NLRP11: variants seen among roughly 807,000 people sequenced by gnomAD.
NLRP11 encodes NACHT, LRR and PYD domains-containing protein 11.
A neutral mutation model predicts 79.3 loss-of-function variants in NLRP11; 53 were observed. That is an observed-to-expected ratio of 0.67 (90% CI 0.54 to 0.84). NLRP11 has a LOEUF of 0.84. NLRP11 is among the 40% of genes least tolerant of loss of function. The probability of loss-of-function intolerance (pLI) is 0.00; values close to 1 mark genes in which losing one functional copy is unlikely to be tolerated. For synonymous variants in NLRP11, 518 were observed against 462.6 expected (o/e 1.12, Z -1.54); for missense variants, 1,264 against 1,255.0 (o/e 1.01, Z -0.11).
intron 5 of NLRP11, among the ~76,000 whole-genome samples, chr19:55,796,890 T>A (rs763460101): frequency 6.6e-6 from 1 of 152,116 alleles, no homozygotes; most frequent in African/African-American, 2.4e-5. Flanking sequence ...GGTTTCACCA[T>A]GTTGGCCAGG....
chr19:55,796,693 C>T (rs550695305), intron 5 of NLRP11, among the ~76,000 whole-genome samples: 148 of 147,276 alleles, frequency 1.0e-3, no homozygotes, highest in African/African-American at 3.5e-3. Flanking sequence ...TCTCTATTTT[C>T]TTTTTTTTTT....
chr19:55,822,891 G>C (rs1282711183), intron 1 of NLRP11, among the ~76,000 whole-genome samples: 115 of 152,288 alleles, frequency 7.6e-4, no homozygotes, highest in Middle Eastern at 6.8e-3. Flanking sequence ...CCAGGAAGCT[G>C]GAACTGGGGG....
rs898426691 is a variant in NLRP11 at position 55,796,105 on chromosome 19, G to T, written c.2317C>A (p.Pro773Thr). ...ACCAGTGATATAAGAGTGCAGTTGGGATGAAGCAAGGCATCACACAGTATG... is the reference window on the plus strand; with the variant it reads ...ACCAGTGATATAAGAGTGCAGTTGGTATGAAGCAAGGCATCACACAGTATG... Residue 773 changes from proline (P) to threonine (T), a missense_variant, in exon 6 of 10, where the codon CCC becomes ACC. Transcript: ENST00000589093. 5 of 1,613,660 alleles carry T rather than the reference G, an allele frequency of 3.1e-6. No individual in the cohort carries two copies. The Admixed American group carries it at 8.3e-5, about 27-fold the overall frequency.
chr19:55,819,126 T>TACACACACACACACAC (rs59055964), intron 1 of NLRP11, among the ~76,000 whole-genome samples: 1 of 105,174 alleles, frequency 9.5e-6, no homozygotes, highest in African/African-American at 3.2e-5. Flanking sequence ...TGGTATCGCC[T>TACACACACACACACAC]ACACACACAC....
chr19:55,822,244 A>G (rs1981814610), intron 1 of NLRP11, among the ~76,000 whole-genome samples: 1 of 150,240 alleles, frequency 6.7e-6, no homozygotes, highest in East Asian at 1.9e-4. Flanking sequence ...AGCCTGGGAA[A>G]CAGAGCAAGA....
At chr19:55,814,813 A>T (rs1980927697) in intron 2 of NLRP11, among the ~76,000 whole-genome samples, 1 of 152,194 alleles carries the variant, frequency 6.6e-6, no homozygotes. Flanking sequence ...GGATTCATCA[A>T]GGAAGCCACA....
At chr19:55,823,132 G>A (rs1319375829) in intron 1 of NLRP11, among the ~76,000 whole-genome samples, 13 of 132,004 alleles carry the variant, frequency 9.8e-5, no homozygotes, top group South Asian at 2.4e-4. Flanking sequence ...CTAACTGGGA[G>A]GCACCCCCCA....
intron 2 of NLRP11, among the ~76,000 whole-genome samples, chr19:55,814,692 A>G (rs8101041): frequency 0.1 from 15,743 of 152,262 alleles, 1,236 homozygotes; most frequent in African/African-American, 0.21. Flanking sequence ...ATATGAAGTG[A>G]GGCATGGTTA....
intron 6 of NLRP11, among the ~76,000 whole-genome samples, chr19:55,792,922 G>A (rs1032204633): frequency 2.6e-5 from 4 of 152,168 alleles, no homozygotes; most frequent in Admixed American, 2.0e-4. Context: ...AAGCCCTGTT[G>A]TTAGCCCATT....
intron 5 of NLRP11, among the ~76,000 whole-genome samples, chr19:55,797,098 A>G (rs1300185979): frequency 6.6e-6 from 1 of 152,154 alleles, no homozygotes; most frequent in Non-Finnish European, 1.5e-5. Flanking sequence ...ATCTCTACTT[A>G]GTGATTTTCC....
At chr19:55,820,243 G>C (rs140674892) in intron 1 of NLRP11, among the ~76,000 whole-genome samples, 110 of 152,264 alleles carry the variant, frequency 7.2e-4, no homozygotes, top group Middle Eastern at 3.4e-3. Context: ...AAGTCACTGA[G>C]TTTCAGAAGG....
chr19:55,806,471 A>T (rs1205165373), intron 4 of NLRP11, among the ~76,000 whole-genome samples: 1 of 152,176 alleles, frequency 6.6e-6, no homozygotes, highest in East Asian at 1.9e-4. Flanking sequence ...TTAATCAAGG[A>T]ATCATCCTTT....
At position 55,831,748 on chromosome 19, in the gene NLRP11, G is replaced by A. The variant is rs1982808845; in HGVS notation, c.-63+215C>T. On this transcript the variant is annotated intron_variant, in intron 1 of 9. Coordinates refer to ENST00000589093, the Ensembl canonical transcript of NLRP11. ...CAATTTTATCTGTCAACTTAAATAA[G>A]TTTATCAAAAAAAAAAAAAGCATGA... Among the ~76,000 whole-genome samples, 5 of 113,120 alleles carry A rather than the reference G, an allele frequency of 4.4e-5. 1 individual carries two copies. The highest frequency in any genetic ancestry group is 1.8e-4 in the Admixed American group (2 of 10,830). 74.2% of individuals were successfully genotyped at this position (113,120 alleles called of 152,430 possible). A position where few individuals can be genotyped will look rare whatever the true frequency, so the allele number is the denominator to read the frequency against.
upstream of NLRP11, chr19:55,832,930 C>T (rs908847192): frequency 6.6e-5 from 10 of 152,032 alleles, no homozygotes; most frequent in African/African-American, 2.4e-4. Flanking sequence ...AAGAAAGAGG[C>T]GAAATTATCA....
At chr19:55,798,008 T>TG (rs1277093136) in intron 5 of NLRP11, among the ~76,000 whole-genome samples, 6 of 151,430 alleles carry the variant, frequency 4.0e-5, no homozygotes, top group Non-Finnish European at 8.9e-5. Context: ...TATTTTTTTT[T>TG]TTTTTGAGAT....
intron 2 of NLRP11, among the ~76,000 whole-genome samples, chr19:55,816,561 A>G (rs1333279545): frequency 6.6e-6 from 1 of 152,198 alleles, no homozygotes; most frequent in Non-Finnish European, 1.5e-5. Flanking sequence ...TAAATGAGCC[A>G]ATGATGACGA....
At chr19:55,823,155 T>C (rs566957552) in intron 1 of NLRP11, among the ~76,000 whole-genome samples, 2,052 of 146,492 alleles carry the variant, frequency 0.014, 22 homozygotes, top group Middle Eastern at 0.028. Context: ...AGGAGCACAC[T>C]GACACCTCAC....
intron 1 of NLRP11, among the ~76,000 whole-genome samples, chr19:55,831,754 CAAAAA>C (rs11364661): frequency 1.4e-5 from 2 of 140,776 alleles, no homozygotes; most frequent in African/African-American, 5.1e-5. Context: ...ATAAGTTTAT[CAAAAA>C]AAAAAAAAGC....
intron 4 of NLRP11, among the ~76,000 whole-genome samples, chr19:55,807,273 T>C (rs1266185253): frequency 1.8e-4 from 28 of 152,282 alleles, no homozygotes. Context: ...TGCCATTTCC[T>C]ATAGAGCTAT....
Sources: allele counts gnomAD v4.1 joint callset (sites outside exome capture counted in the v4.1 genomes callset), GRCh38; gene constraint gnomAD v4.1.1; transcripts MANE v1.5; gene names NCBI Gene and HGNC (gene_info 2026-07-23, HGNC 2026-07-21).